GPC6: variants seen among roughly 807,000 people sequenced by gnomAD.
The protein encoded by GPC6 is glypican 6.
In GPC6, 14 loss-of-function variants were observed where a neutral mutation model predicts 55.2. The ratio of observed to expected loss-of-function variants is 0.25; its 90% CI spans 0.17 to 0.40. The LOEUF (loss-of-function observed/expected upper bound fraction) is 0.40. Ranked by LOEUF, GPC6 falls within the 10% of genes least tolerant of loss-of-function variation. GPC6 has a pLI of 1.00. For synonymous variants in GPC6, 278 were observed against 259.6 expected (o/e 1.07, Z -0.68); for missense variants, 641 against 708.5 (o/e 0.90, Z 1.08).
intron 3 of GPC6, among the ~76,000 whole-genome samples, chr13:93,840,744 G>A (rs1376058855): frequency 2.6e-5 from 4 of 152,050 alleles, no homozygotes; most frequent in East Asian, 1.9e-4. Flanking sequence ...CCCTGGGACC[G>A]TGGAAAATGT....
chr13:94,219,916 T>C (rs1209731696), intron 4 of GPC6, among the ~76,000 whole-genome samples: 1 of 152,158 alleles, frequency 6.6e-6, no homozygotes, highest in Non-Finnish European at 1.5e-5. Context: ...CCCAGTCTTA[T>C]TGGTTCCAAG....
At chr13:93,869,657 A>C (rs938749393) in intron 3 of GPC6, among the ~76,000 whole-genome samples, 4 of 151,870 alleles carry the variant, frequency 2.6e-5, no homozygotes, top group Non-Finnish European at 5.9e-5. Context: ...ATATTAATAC[A>C]TTCATGGATG....
intron 2 of GPC6, among the ~76,000 whole-genome samples, chr13:93,647,514 C>T (rs909040156): frequency 6.6e-6 from 1 of 152,080 alleles, no homozygotes; most frequent in African/African-American, 2.4e-5. Context: ...GTAGGGAACT[C>T]ATGAGAACTA....
chr13:93,637,076 G>A (rs1879732263), intron 2 of GPC6, among the ~76,000 whole-genome samples: 1 of 152,004 alleles, frequency 6.6e-6, no homozygotes, highest in Admixed American at 6.6e-5. Context: ...CTTGAAGTTG[G>A]TTTGTTTATT....
chr13:94,119,841 A>G (rs1886562945), intron 4 of GPC6, among the ~76,000 whole-genome samples: 2 of 152,112 alleles, frequency 1.3e-5, no homozygotes, highest in African/African-American at 2.4e-5. Context: ...GCATTTGTCA[A>G]TTGCTATAGT....
chr13:94,355,490 T>A (rs1878752520), intron 6 of GPC6, among the ~76,000 whole-genome samples: 1 of 152,200 alleles, frequency 6.6e-6, no homozygotes, highest in Non-Finnish European at 1.5e-5. Flanking sequence ...GTACTGAAAG[T>A]GTAAAAATGC....
At chr13:93,684,851 AG>A (rs1353317184) in intron 2 of GPC6, among the ~76,000 whole-genome samples, 1 of 152,220 alleles carries the variant, frequency 6.6e-6, no homozygotes, top group Non-Finnish European at 1.5e-5. Context: ...AAAGTTAAGA[AG>A]GAGCCATAGA....
chr13:93,945,622 G>A (rs1878970041), intron 3 of GPC6, among the ~76,000 whole-genome samples: 2 of 152,224 alleles, frequency 1.3e-5, no homozygotes, highest in Non-Finnish European at 2.9e-5. Context: ...CATTGACCAA[G>A]TTCTGACTGT....
At chr13:93,449,688 C>T (rs954819168) in intron 1 of GPC6, among the ~76,000 whole-genome samples, 5 of 151,754 alleles carry the variant, frequency 3.3e-5, no homozygotes, top group East Asian at 2.0e-4. Flanking sequence ...ATTAGCCAGG[C>T]GTGGTGGTGG....
At chr13:94,001,630 A>G (rs1267868739) in intron 3 of GPC6, among the ~76,000 whole-genome samples, 3 of 152,206 alleles carry the variant, frequency 2.0e-5, no homozygotes, top group African/African-American at 7.2e-5. Flanking sequence ...GCGTTGGCAC[A>G]ATGAAAAGTA....
At chr13:94,205,321 C>G (rs1251469132) in intron 4 of GPC6, among the ~76,000 whole-genome samples, 3 of 152,088 alleles carry the variant, frequency 2.0e-5, no homozygotes, top group Non-Finnish European at 4.4e-5. Flanking sequence ...AACATCTAGC[C>G]CATCTTATTA....
chr13:93,967,605 A>C (rs1880104889), intron 3 of GPC6, among the ~76,000 whole-genome samples: 1 of 152,146 alleles, frequency 6.6e-6, no homozygotes, highest in African/African-American at 2.4e-5. Context: ...TGAGTTATGC[A>C]CCTGTAAAAC....
chr13:94,323,883 A>G (rs1463459392), intron 6 of GPC6, among the ~76,000 whole-genome samples: 1 of 152,186 alleles, frequency 6.6e-6, no homozygotes, highest in East Asian at 1.9e-4. Context: ...CCCCAGCCCT[A>G]GTCTTTACAG....
At chr13:93,694,998 G>A (rs1376291102) in intron 2 of GPC6, among the ~76,000 whole-genome samples, 1 of 152,008 alleles carries the variant, frequency 6.6e-6, no homozygotes, top group African/African-American at 2.4e-5. Context: ...CTTTAGAATG[G>A]AATCTCATAA....
chr13:93,224,170 T>C (rs1339405262), upstream of GPC6, among the ~76,000 whole-genome samples: 3 of 150,608 alleles, frequency 2.0e-5, no homozygotes, highest in East Asian at 4.0e-4. Flanking sequence ...AGTGCTGGGA[T>C]TACAGGCGTG....
intron 2 of GPC6, among the ~76,000 whole-genome samples, chr13:93,789,376 TG>T (rs1885919931): frequency 6.6e-6 from 1 of 150,960 alleles, no homozygotes; most frequent in African/African-American, 2.4e-5. Context: ...AATAATGATG[TG>T]GCTCCTACTC....
chr13:93,570,175 C>A (rs1184519121), intron 2 of GPC6, among the ~76,000 whole-genome samples: 1 of 152,088 alleles, frequency 6.6e-6, no homozygotes, highest in Non-Finnish European at 1.5e-5. Flanking sequence ...ACCATATATC[C>A]TTGCAATAGC....
At chr13:94,146,735 T>C (rs1439192493) in intron 4 of GPC6, among the ~76,000 whole-genome samples, 2 of 152,126 alleles carry the variant, frequency 1.3e-5, no homozygotes, top group Non-Finnish European at 2.9e-5. Flanking sequence ...ATACCAGTTG[T>C]TGTATATCAA....
intron 1 of GPC6, among the ~76,000 whole-genome samples, chr13:93,387,700 T>G (rs74108509): frequency 0.033 from 4,956 of 152,256 alleles, 278 homozygotes; most frequent in African/African-American, 0.11. Flanking sequence ...AATATGGAAA[T>G]ATTTGATCTA....
Sources: allele counts gnomAD v4.1 joint callset (sites outside exome capture counted in the v4.1 genomes callset), GRCh38; gene constraint gnomAD v4.1.1; transcripts MANE v1.5; gene names NCBI Gene and HGNC (gene_info 2026-07-23, HGNC 2026-07-21).